Variants in VWCE observed in about 807,000 individuals in gnomAD.
VWCE encodes the protein von Willebrand factor C and EGF domain-containing protein.
In VWCE, 68 loss-of-function variants were observed where a neutral mutation model predicts 102.9. That is an observed-to-expected ratio of 0.66 (90% confidence interval 0.54 to 0.81). The LOEUF (loss-of-function observed/expected upper bound fraction) is 0.81. VWCE is among the 30% of genes least tolerant of loss of function. The pLI, the probability that VWCE is intolerant of heterozygous loss-of-function variation, is 0.00. For synonymous variants in VWCE, 497 were observed against 515.4 expected (o/e 0.96, Z 0.48); for missense variants, 1,137 against 1,263.6 (o/e 0.90, Z 1.52).
In VWCE at chr11:61,295,305, T is replaced by A. The variant is rs368320157; in HGVS notation, c.-268A>T. ...AACGCCGCCCGCCTGCTGATGCCTC[T>A]CCGAGAGGCGCGGAGCCCGGGGCGG... On this transcript the variant is annotated 5_prime_UTR_variant, in exon 1 of 20. Coordinates refer to ENST00000335613, the MANE Select transcript of VWCE (RefSeq NM_152718.2). The surrounding 1 kb of genome is among the most constrained non-coding windows in gnomAD (Gnocchi z 4.6). The A allele has an allele frequency of 2.9e-5, 9 of 312,240 alleles. No homozygotes were observed. The South Asian group carries it at 1.3e-3, about 44-fold the overall frequency. The allele number at this position is 312,240 out of a possible 1,614,324, so 19.3% of individuals were successfully genotyped here. A position where few individuals can be genotyped will look rare whatever the true frequency, so the allele number is the denominator to read the frequency against.
Position 61,294,267 on chromosome 11 carries a change from G to A in VWCE, c.110+661C>T, listed in dbSNP as rs935641611. Among the ~76,000 whole-genome samples the A allele has an allele frequency of 6.6e-6, 1 of 152,086 alleles. No individual in the cohort carries two copies. Among genetic ancestry groups the A allele is most frequent in the Admixed American group, 6.5e-5 (1 of 15,274 alleles). On this transcript the variant is annotated intron_variant, in intron 1 of 19. Transcript: ENST00000335613. The surrounding 1 kb of genome is among the most constrained non-coding windows in gnomAD (Gnocchi z 6.3). ...CCTGGCCGGGCCGCCCCCGCTGCGC[G>A]CCCCCCGGAGGACGTGGCCGCGGGC...
chr11:61,279,047 CA>C (rs945753655), intron 9 of VWCE, among the ~76,000 whole-genome samples: 1 of 149,228 alleles, frequency 6.7e-6, no homozygotes. Flanking sequence ...TTAAAAAAAA[CA>C]AAAAAACAAA....
Position 61,291,381 on chromosome 11 carries a change from G to A in VWCE, c.206-28C>T, listed in dbSNP as rs146500557. On this transcript the variant is annotated intron_variant, in intron 2 of 19. Transcript: ENST00000335613. The stretch of plus-strand genomic sequence containing the variant: ...GAGAGGAGAAGTGCAGGTGAGACAC[G>A]AGGAACTGGGGCCTCCCGTCTGCCC... The A allele has an allele frequency of 7.3e-5, 117 of 1,604,120 alleles. No homozygotes were observed. In the East Asian group the frequency reaches 2.1e-3, roughly 29 times the overall value.
At chr11:61,263,139 T>G (rs1490492180) in intron 19 of VWCE, among the ~76,000 whole-genome samples, 1 of 152,060 alleles carries the variant, frequency 6.6e-6, no homozygotes, top group East Asian at 1.9e-4. Context: ...AAACCTTGTC[T>G]CTACTAAAAA....
At chr11:61,281,266 T>C (rs569298685) in intron 7 of VWCE, 31 bp from the exon 8 acceptor site, 1 of 1,610,168 alleles carries the variant, frequency 6.2e-7, no homozygotes, top group South Asian at 1.1e-5. Flanking sequence ...TCTCTTGGGG[T>C]GGACAGCAGA....
intron 16 of VWCE, among the ~76,000 whole-genome samples, chr11:61,266,690 T>A (rs979158272): frequency 6.6e-6 from 1 of 152,340 alleles, no homozygotes; most frequent in Middle Eastern, 3.4e-3. Context: ...CTCAGTACTT[T>A]GATTAACTAG....
At position 61,281,809 on chromosome 11, in the gene VWCE, C is replaced by T. The variant is rs764988415; in HGVS notation, c.764G>A (p.Arg255Gln). ...LCTCRPGFRL[R>Q]ADRVSCEAFP... ...ACCTTCACAGGACACGCGGTCAGCT[C>T]GGAGCCTGAAGCCAGGTCGGCATGT... Residue 255 changes from arginine (R) to glutamine (Q), a missense_variant, in exon 7 of 20, where the codon CGA becomes CAA. Transcript: ENST00000335613. 25 of 1,613,610 alleles carry T rather than the reference C, an allele frequency of 1.5e-5. No individual in the cohort carries two copies. The South Asian group carries it at 2.5e-4, about 16-fold the overall frequency.
chr11:61,281,638 C>A, intron 7 of VWCE, 148 bp downstream of exon 7: 1 of 1,107,690 alleles, frequency 9.0e-7, no homozygotes, highest in Non-Finnish European at 1.2e-6. Flanking sequence ...GTGGGCGGGG[C>A]CGGGGTAGGG....
chr11:61,284,223 G>A (rs1029031062), intron 5 of VWCE, among the ~76,000 whole-genome samples: 1 of 151,770 alleles, frequency 6.6e-6, no homozygotes, highest in Non-Finnish European at 1.5e-5. Flanking sequence ...AAGAAAGAAA[G>A]AAGAAAAAAA....
Position 61,294,074 on chromosome 11 carries a change from C to CTCAGGTGGGCAGG in VWCE, c.110+853_110+854insCCTGCCCACCTGA, listed in dbSNP as rs1203702577. The stretch of plus-strand genomic sequence containing the variant: ...GGGTGCCCAGGGAGGCTGATGGAGT[C>CTCAGGTGGGCAGG]GAACTCTCAGGTGGGCAGGGACCGA... On this transcript the variant is annotated intron_variant, in intron 1 of 19. Coordinates refer to ENST00000335613, the MANE Select transcript of VWCE (RefSeq NM_152718.2). The surrounding 1 kb of genome is among the most constrained non-coding windows in gnomAD (Gnocchi z 6.3). Among the ~76,000 whole-genome samples, 2 of 152,156 alleles carry CTCAGGTGGGCAGG rather than the reference C, an allele frequency of 1.3e-5. No individual in the cohort carries two copies. Among genetic ancestry groups the CTCAGGTGGGCAGG allele is most frequent in the Non-Finnish European group, 2.9e-5 (2 of 68,022 alleles).
At chr11:61,260,361 C>A (rs1307151495) in intron 19 of VWCE, among the ~76,000 whole-genome samples, 1 of 152,174 alleles carries the variant, frequency 6.6e-6, no homozygotes, top group Non-Finnish European at 1.5e-5. Context: ...GTACCCTCAA[C>A]CTCCTGGGCT....
intron 16 of VWCE, among the ~76,000 whole-genome samples, chr11:61,266,092 A>G (rs1854507645): frequency 6.6e-6 from 1 of 151,818 alleles, no homozygotes; most frequent in African/African-American, 2.4e-5. Flanking sequence ...ATCCAGGCAT[A>G]GTGGCTCACA....
At chr11:61,261,939 T>C (rs1202964322) in intron 19 of VWCE, among the ~76,000 whole-genome samples, 2 of 152,142 alleles carry the variant, frequency 1.3e-5, no homozygotes, top group African/African-American at 4.8e-5. Context: ...GGAGCTGGGC[T>C]CTGGAGGTTA....
chr11:61,274,712 G>A (rs1031880053), intron 11 of VWCE, 128 bp from the exon 12 acceptor site: 9 of 677,474 alleles, frequency 1.3e-5, no homozygotes, highest in Admixed American at 5.7e-5. Flanking sequence ...AGCATGCTCC[G>A]TGCCCAGGAA....
rs1479244695 is a variant in VWCE at position 61,294,032 on chromosome 11, C to T, written c.110+896G>A. On this transcript the variant is annotated intron_variant, in intron 1 of 19. Transcript: ENST00000335613. This position sits in a 1 kb window ranked among gnomAD's most constrained non-coding sequence, Gnocchi z 6.3. ...CTCAGAAACGGACAGGCAGTGCCAC[C>T]AAGGCGGCAGATAAAAGGGTGCCCA... 6.6e-6 allele frequency among the ~76,000 whole-genome samples: 1 copy of T among 152,170 alleles called. No homozygotes were observed. Among genetic ancestry groups the T allele is most frequent in the East Asian group, 1.9e-4 (1 of 5,192 alleles).
chr11:61,271,466 C>T (rs1223826078), intron 14 of VWCE: 2 of 491,662 alleles, frequency 4.1e-6, no homozygotes, highest in Non-Finnish European at 7.5e-6. Context: ...CTTCTTAAGG[C>T]CAACTGCCAA....
rs570958204 is a variant in VWCE, at chr11:61,266,031, T to A, written c.1966-819A>T. Among the ~76,000 whole-genome samples, 190 of 150,502 alleles carry A rather than the reference T, an allele frequency of 1.3e-3. 1 individual carries two copies. The highest frequency in any genetic ancestry group is 2.3e-3 in the Non-Finnish European group (157 of 67,560). ...ACTGCACTCCAGCCTGGCGACAGAGTGAGACTCTGTCTCAAAAAAAAAAAA... is the reference window on the plus strand; with the variant it reads ...ACTGCACTCCAGCCTGGCGACAGAGAGAGACTCTGTCTCAAAAAAAAAAAA... On this transcript the variant is annotated intron_variant, in intron 16 of 19. Transcript: ENST00000335613.
intron 1 of VWCE, among the ~76,000 whole-genome samples, chr11:61,293,182 G>A (rs111341988): frequency 0.076 from 11,148 of 146,776 alleles, 545 homozygotes; most frequent in Non-Finnish European, 0.11. Flanking sequence ...CGGAGGTTGC[G>A]GTGAGCTGAG....
At position 61,259,316 on chromosome 11, in the gene VWCE, G is replaced by A; in HGVS notation, c.2231-4C>T. On this transcript the variant is annotated splice_region_variant and splice_polypyrimidine_tract_variant and intron_variant, in intron 19 of 19. Transcript: ENST00000335613. ...TCTTCCAGAGGAGACAGGGAATCTA[G>A]AGAGACGAGGGTGAAACGAGATGCA... 1.3e-6 allele frequency: 2 copies of A among 1,566,218 alleles called. No individual in the cohort carries two copies. The highest frequency in any genetic ancestry group is 1.7e-6 in the Non-Finnish European group (2 of 1,156,318).
Sources: gnomAD v4.1 joint callset for allele counts (sites outside exome capture counted in the v4.1 genomes callset) on GRCh38, gnomAD v4.1.1 for gene constraint, Gnocchi (gnomAD v3.1) non-coding constraint, MANE v1.5 for transcripts, NCBI Gene and HGNC (gene_info 2026-07-23, HGNC 2026-07-21) for gene names.